ASIP: variants seen among roughly 807,000 people sequenced by gnomAD.
The protein encoded by ASIP is agouti signaling protein.
ASIP carries 11 observed loss-of-function variants against 10.3 expected under a neutral mutation model. That is an observed-to-expected ratio of 1.07 (90% CI 0.68 to 1.78). The LOEUF (loss-of-function observed/expected upper bound fraction) is 1.78. Among genes scored for constraint, ASIP ranks in the 40% most tolerant of loss-of-function variants. The pLI is 0.00. For missense variants in ASIP, 180 were observed against 169.2 expected (o/e 1.06, Z -0.35); for synonymous variants, 70 against 70.8 (o/e 0.99, Z 0.06).
chr20:34,212,589 A>G (rs181620798), intron 1 of ASIP, among the ~76,000 whole-genome samples: 169 of 152,316 alleles, frequency 1.1e-3, no homozygotes, highest in Non-Finnish European at 2.2e-3. Flanking sequence ...AATTGACCCA[A>G]TAATGTCTTA....
chr20:34,251,960 T>C (rs906575394), intron 1 of ASIP, among the ~76,000 whole-genome samples: 2 of 152,208 alleles, frequency 1.3e-5, no homozygotes, highest in Admixed American at 1.3e-4. Context: ...ACCCAGTCTA[T>C]GATATTTTGT....
chr20:34,257,040 TTTTC>T (rs1230843018), intron 1 of ASIP, among the ~76,000 whole-genome samples: 2 of 151,294 alleles, frequency 1.3e-5, no homozygotes, highest in African/African-American at 2.4e-5. Context: ...CTTTCTTTCT[TTTTC>T]TTTCTTTCTC....
chr20:34,211,315 G>A lies in ASIP; in HGVS notation c.-11+16555G>A, dbSNP rs185564678. On this transcript the variant is annotated intron_variant, in intron 1 of 3. Transcript: ENST00000568305. ...CTTCCTCAAATGATCCTCCCACTTC[G>A]GCCTCCCAAAGTGCCAGAATTATAG... 1.4e-3 allele frequency among the ~76,000 whole-genome samples: 220 copies of A among 152,254 alleles called. 2 individuals carry two copies. Among genetic ancestry groups the A allele is most frequent in the African/African-American group, 5.0e-3 (207 of 41,538 alleles).
chr20:34,249,558 C>A (rs2035439659), intron 1 of ASIP, among the ~76,000 whole-genome samples: 1 of 152,162 alleles, frequency 6.6e-6, no homozygotes, highest in Non-Finnish European at 1.5e-5. Flanking sequence ...TGTAGCTGCA[C>A]CAGGCCTCGT....
At chr20:34,264,706 T>C (rs754385308) in intron 3 of ASIP, among the ~76,000 whole-genome samples, 5 of 152,072 alleles carry the variant, frequency 3.3e-5, no homozygotes, top group Admixed American at 6.6e-5. Context: ...TGTAAATGTA[T>C]TTTCACTTCC....
In ASIP at chr20:34,201,858, A is replaced by G. The variant is rs529615504; in HGVS notation, c.-11+7098A>G. ...TTCTGTTATAAAGCTTCTACTTTTA[A>G]TCTGAGAGAAAACATGTTCAGGGCT... On this transcript the variant is annotated intron_variant, in intron 1 of 3. Coordinates refer to the ASIP transcript ENST00000568305. Among the ~76,000 whole-genome samples, 5 of 152,340 alleles carry G rather than the reference A, an allele frequency of 3.3e-5. No homozygotes were observed. In the East Asian group the frequency reaches 9.6e-4, roughly 29 times the overall value.
At chr20:34,232,322 T>C (rs1177789952) in intron 1 of ASIP, among the ~76,000 whole-genome samples, 1 of 152,214 alleles carries the variant, frequency 6.6e-6, no homozygotes, top group Non-Finnish European at 1.5e-5. Flanking sequence ...AAGAGACTCA[T>C]GGCAGAATGT....
At chr20:34,235,869 G>GGGAGGGAA (rs2035188036) in intron 1 of ASIP, among the ~76,000 whole-genome samples, 1 of 32,322 alleles carries the variant, frequency 3.1e-5, no homozygotes, top group Non-Finnish European at 5.5e-5. Context: ...AGGAAGGAAA[G>GGGAGGGAA]GAAGGAAGGA....
chr20:34,196,479 G>T (rs1020313789), intron 1 of ASIP, among the ~76,000 whole-genome samples: 2 of 152,098 alleles, frequency 1.3e-5, no homozygotes, highest in African/African-American at 2.4e-5. Context: ...GGCTGAAAAG[G>T]AAGATTTCTT....
chr20:34,209,727 G>C (rs1294705313), intron 1 of ASIP, among the ~76,000 whole-genome samples: 1 of 152,192 alleles, frequency 6.6e-6, no homozygotes, highest in Non-Finnish European at 1.5e-5. Flanking sequence ...CAACGAGAAT[G>C]GGAGGGAAGC....
intron 2 of ASIP, among the ~76,000 whole-genome samples, chr20:34,261,388 C>A (rs770990514): frequency 2.0e-5 from 3 of 152,188 alleles, no homozygotes; most frequent in Non-Finnish European, 4.4e-5. Flanking sequence ...AATCCCAGCA[C>A]TTTCGTAGGC....
chr20:34,246,754 G>A (rs2035382838), intron 1 of ASIP, among the ~76,000 whole-genome samples: 1 of 151,992 alleles, frequency 6.6e-6, no homozygotes, highest in Non-Finnish European at 1.5e-5. Context: ...CCCTGTGCCG[G>A]GCCTTCATCT....
chr20:34,201,252 T>G (rs1397464242), intron 1 of ASIP, among the ~76,000 whole-genome samples: 1 of 152,170 alleles, frequency 6.6e-6, no homozygotes, highest in Admixed American at 6.6e-5. Flanking sequence ...GGCTTTAGAT[T>G]TGGACACACA....
At chr20:34,210,271 C>T (rs1252066396) in intron 1 of ASIP, among the ~76,000 whole-genome samples, 1 of 152,206 alleles carries the variant, frequency 6.6e-6, no homozygotes, top group Non-Finnish European at 1.5e-5. Flanking sequence ...TTTGGGGAGC[C>T]CAGACCTGGG....
rs113051118 is a variant in ASIP, at chr20:34,257,026, A to ATTTCTTTCTTTCTT, written c.-10-3325_-10-3312dup. On this transcript the variant is annotated intron_variant, in intron 1 of 3. Transcript: ENST00000374954. ...TACTTTCCTTGTTTTTTAAAGTTGA[A>ATTTCTTTCTTTCTT]TTTCTTTCTTTCTTTTTCTTTCTTT... Among the ~76,000 whole-genome samples, 5 of 148,474 alleles carry ATTTCTTTCTTTCTT rather than the reference A, an allele frequency of 3.4e-5. No homozygotes were observed. The South Asian group carries it at 1.1e-3, about 32-fold the overall frequency.
At chr20:34,242,599 C>CAACAA (rs926801586) in intron 1 of ASIP, among the ~76,000 whole-genome samples, 2 of 152,322 alleles carry the variant, frequency 1.3e-5, no homozygotes, top group South Asian at 2.1e-4. Flanking sequence ...AACAAACAAA[C>CAACAA]AACAAAACAA....
intron 1 of ASIP, among the ~76,000 whole-genome samples, chr20:34,256,359 T>G (rs1246426200): frequency 6.6e-6 from 1 of 152,214 alleles, no homozygotes; most frequent in Non-Finnish European, 1.5e-5. Context: ...AGCTGTATTT[T>G]ATTCTGTCTC....
At chr20:34,265,966 A>AG (rs145894033) in intron 3 of ASIP, among the ~76,000 whole-genome samples, 5 of 151,838 alleles carry the variant, frequency 3.3e-5, no homozygotes, top group Admixed American at 6.6e-5. Context: ...ACAAAAGCGG[A>AG]GGGGGGGAAG....
At chr20:34,215,340 C>T in intron 1 of ASIP, 1 of 1,574,430 alleles carries the variant, frequency 6.4e-7, no homozygotes, top group Non-Finnish European at 8.7e-7. Flanking sequence ...ACCATGATTC[C>T]ACCAGATTTG....
Sources: allele counts gnomAD v4.1 joint callset (sites outside exome capture counted in the v4.1 genomes callset), GRCh38; gene constraint gnomAD v4.1.1; transcripts MANE v1.5; gene names NCBI Gene and HGNC (gene_info 2026-07-23, HGNC 2026-07-21).